Variants in AK5 observed in about 807,000 individuals in gnomAD.
The protein encoded by AK5 is adenylate kinase isoenzyme 5.
In AK5, 27 loss-of-function variants were observed where a neutral mutation model predicts 69.5. That is an observed-to-expected ratio of 0.39 (90% confidence interval 0.29 to 0.54). The LOEUF is 0.54. AK5 is among the 20% of genes least tolerant of loss of function. The pLI is 0.71. For missense variants in AK5, 531 were observed against 700.4 expected (o/e 0.76, Z 2.73); for synonymous variants, 260 against 244.4 (o/e 1.06, Z -0.60).
intron 2 of AK5, among the ~76,000 whole-genome samples, chr1:77,291,076 A>T (rs1658659624): frequency 6.6e-6 from 1 of 152,192 alleles, no homozygotes; most frequent in South Asian, 2.1e-4. Flanking sequence ...GATGAAAGAG[A>T]TTGTACCAGG....
chr1:77,368,238 TATATA>T (rs1223458656), intron 6 of AK5, among the ~76,000 whole-genome samples: 1 of 1,914 alleles, frequency 5.2e-4, no homozygotes, highest in African/African-American at 6.7e-4. Context: ...TATATATATA[TATATA>T]TATATATATA....
chr1:77,383,408 G>A (rs1054878932), intron 6 of AK5, among the ~76,000 whole-genome samples: 12 of 152,054 alleles, frequency 7.9e-5, no homozygotes, highest in Non-Finnish European at 5.9e-5. Flanking sequence ...AACCATTTAT[G>A]GTTAGGAAAT....
intron 10 of AK5, among the ~76,000 whole-genome samples, chr1:77,511,308 A>C (rs1247426276): frequency 6.6e-6 from 1 of 152,218 alleles, no homozygotes; most frequent in African/African-American, 2.4e-5. Flanking sequence ...TGGACAAAAA[A>C]GAGGGTATCA....
intron 5 of AK5, among the ~76,000 whole-genome samples, chr1:77,302,549 G>A (rs926560730): frequency 7.2e-5 from 11 of 152,164 alleles, no homozygotes; most frequent in African/African-American, 2.7e-4. Flanking sequence ...GGGTAGAAAG[G>A]CAGCATCCTT....
chr1:77,353,595 G>A (rs966923821), intron 6 of AK5, among the ~76,000 whole-genome samples: 1 of 152,162 alleles, frequency 6.6e-6, no homozygotes, highest in South Asian at 2.1e-4. Flanking sequence ...TCTAAACTGC[G>A]CAGTCTTACT....
At chr1:77,387,593 A>G (rs542240633) in intron 6 of AK5, among the ~76,000 whole-genome samples, 1 of 152,314 alleles carries the variant, frequency 6.6e-6, no homozygotes, top group East Asian at 1.9e-4. Flanking sequence ...TATTTTTTAA[A>G]GTAACTTGTG....
At chr1:77,290,755 G>C (rs756866678) in intron 2 of AK5, among the ~76,000 whole-genome samples, 10 of 152,152 alleles carry the variant, frequency 6.6e-5, no homozygotes, top group Admixed American at 2.0e-4. Context: ...CAGTAAGTCA[G>C]TTGGGCAATA....
chr1:77,454,042 C>T (rs1411944553), intron 8 of AK5, among the ~76,000 whole-genome samples: 1 of 152,160 alleles, frequency 6.6e-6, no homozygotes, highest in Non-Finnish European at 1.5e-5. Context: ...TAGTCTTCAG[C>T]TCTGTAGGGT....
chr1:77,323,732 TATC>T (rs947412717), intron 5 of AK5, among the ~76,000 whole-genome samples: 52 of 152,322 alleles, frequency 3.4e-4, no homozygotes, highest in African/African-American at 1.2e-3. Flanking sequence ...TTCTAATAAA[TATC>T]ATTCTTTAGT....
intron 12 of AK5, among the ~76,000 whole-genome samples, chr1:77,532,840 T>TCATTCAGCCAAGGGCAGAGTTCTCTGCTC (rs2100349122): frequency 6.6e-6 from 1 of 152,310 alleles, no homozygotes; most frequent in East Asian, 1.9e-4. Flanking sequence ...AGTCTCTGAT[T>TCATTCAGCCAAGGGCAGAGTTCTCTGCTC]CATTCAGCCA....
At chr1:77,441,806 G>A (rs1052831382) in intron 8 of AK5, among the ~76,000 whole-genome samples, 1 of 152,126 alleles carries the variant, frequency 6.6e-6, no homozygotes, top group African/African-American at 2.4e-5. Context: ...TGGCTGTGGG[G>A]CCAGAGTTCT....
chr1:77,429,394 T>A (rs1166639238), intron 8 of AK5, among the ~76,000 whole-genome samples: 2 of 152,224 alleles, frequency 1.3e-5, no homozygotes, highest in Non-Finnish European at 2.9e-5. Flanking sequence ...GCTGCATAAA[T>A]GTCTTCTTTT....
chr1:77,396,783 C>T (rs1648859522), intron 6 of AK5, among the ~76,000 whole-genome samples: 1 of 152,208 alleles, frequency 6.6e-6, no homozygotes, highest in Non-Finnish European at 1.5e-5. Context: ...ATGTGTTCTT[C>T]CCTAATTGTA....
chr1:77,491,730 T>C (rs1656019807), intron 10 of AK5, among the ~76,000 whole-genome samples: 1 of 152,232 alleles, frequency 6.6e-6, no homozygotes, highest in Admixed American at 6.5e-5. Flanking sequence ...GTAGCTGTAA[T>C]AGCAGTCAAC....
intron 6 of AK5, among the ~76,000 whole-genome samples, chr1:77,385,285 GAGTAGCT>G (rs1647938944): frequency 6.6e-6 from 1 of 151,894 alleles, no homozygotes; most frequent in Non-Finnish European, 1.5e-5. Context: ...TCAGCCTCCC[GAGTAGCT>G]GGGACTACAG....
rs80299502 is a variant in AK5, at chr1:77,376,545, T to C, written c.892-34436T>C. 2.6e-5 allele frequency among the ~76,000 whole-genome samples: 4 copies of C among 152,226 alleles called. No individual in the cohort carries two copies. The South Asian group carries it at 8.3e-4, about 32-fold the overall frequency. ...TATGGGTCTTCTCTTTGATTTTTTTTCTCTTTGATTTTCAAAAAGAACCAT... is the reference window on the plus strand; with the variant it reads ...TATGGGTCTTCTCTTTGATTTTTTTCCTCTTTGATTTTCAAAAAGAACCAT... On this transcript the variant is annotated intron_variant, in intron 6 of 13. Coordinates refer to ENST00000354567, the MANE Select transcript of AK5 (RefSeq NM_174858.3).
chr1:77,330,474 C>T (rs1478316486), intron 5 of AK5, among the ~76,000 whole-genome samples: 3 of 152,042 alleles, frequency 2.0e-5, no homozygotes, highest in Non-Finnish European at 4.4e-5. Flanking sequence ...TCCACTTTAC[C>T]CAGTACCATT....
At position 77,349,404 on chromosome 1, in the gene AK5, C is replaced by T. The variant is rs541045363; in HGVS notation, c.891+8836C>T. On this transcript the variant is annotated intron_variant, in intron 6 of 13. Transcript: ENST00000354567. Reference sequence around the variant, plus strand: ...ATCTCCATTTTGTAAATGAGAAAAACGAAAGCACATGAAAGTGTAGCCTAC... The same window carrying T: ...ATCTCCATTTTGTAAATGAGAAAAATGAAAGCACATGAAAGTGTAGCCTAC... The T allele has an allele frequency of 7.2e-5, 11 of 152,218 alleles. No homozygotes were observed. In the East Asian group the frequency reaches 7.7e-4, roughly 11 times the overall value. The allele number at this position is 152,218 out of a possible 1,614,324, so 9.4% of individuals were successfully genotyped here.
At chr1:77,349,546 T>C (rs781499685) in intron 6 of AK5, 3 of 152,238 alleles carry the variant, frequency 2.0e-5, no homozygotes, top group Non-Finnish European at 4.4e-5. Context: ...CACTTGTCAT[T>C]TGACAGGCAT....
Sources: allele counts gnomAD v4.1 joint callset (sites outside exome capture counted in the v4.1 genomes callset), GRCh38; gene constraint gnomAD v4.1.1; transcripts MANE v1.5; gene names NCBI Gene and HGNC (gene_info 2026-07-23, HGNC 2026-07-21).